Variants in TAFA1 observed in about 807,000 individuals in gnomAD.
TAFA1 encodes the protein chemokine-like protein TAFA-1.
A neutral mutation model predicts 18.5 loss-of-function variants in TAFA1; 4 were observed. That is an observed-to-expected ratio of 0.22 (90% CI 0.11 to 0.49). The LOEUF is 0.49. TAFA1 is among the 20% of genes least tolerant of loss of function. The pLI, the probability that TAFA1 is intolerant of heterozygous loss-of-function variation, is 0.98. For synonymous variants in TAFA1, 56 were observed against 55.2 expected (o/e 1.01, Z -0.06); for missense variants, 147 against 169.0 (o/e 0.87, Z 0.72).
At chr3:68,378,483 G>T (rs1302239784) in intron 2 of TAFA1, among the ~76,000 whole-genome samples, 2 of 152,082 alleles carry the variant, frequency 1.3e-5, no homozygotes, top group African/African-American at 4.8e-5. Flanking sequence ...GATTTTTTAG[G>T]CTCATAAAAT....
intron 2 of TAFA1, among the ~76,000 whole-genome samples, chr3:68,023,250 CT>C (rs1704737814): frequency 6.6e-6 from 1 of 152,128 alleles, no homozygotes; most frequent in African/African-American, 2.4e-5. Context: ...ATGCATACTT[CT>C]TTCTTGCTCA....
chr3:68,299,686 G>T (rs905265420), intron 2 of TAFA1, among the ~76,000 whole-genome samples: 1 of 152,348 alleles, frequency 6.6e-6, no homozygotes, highest in East Asian at 1.9e-4. Context: ...AGGCCTGGAG[G>T]CCTAGGAGGA....
chr3:68,444,391 G>A (rs902978859), intron 3 of TAFA1, among the ~76,000 whole-genome samples: 10 of 151,980 alleles, frequency 6.6e-5, no homozygotes, highest in South Asian at 4.1e-4. Flanking sequence ...TGTCACTCTC[G>A]TGTGACAAGC....
chr3:68,390,475 C>T lies in TAFA1; in HGVS notation c.119-26805C>T, dbSNP rs555349500. Among the ~76,000 whole-genome samples, 11 of 152,346 alleles carry T rather than the reference C, an allele frequency of 7.2e-5. No homozygotes were observed. The East Asian group carries it at 2.1e-3, about 29-fold the overall frequency. On this transcript the variant is annotated intron_variant, in intron 2 of 4. Coordinates refer to ENST00000478136, the MANE Select transcript of TAFA1 (RefSeq NM_213609.4). The stretch of plus-strand genomic sequence containing the variant: ...TGCCTGCCAGCTCAGAAGAGAGCAG[C>T]AGATCTCTCAGCACAGCACTTGAGC...
chr3:68,027,318 A>C (rs1433868952), intron 2 of TAFA1, among the ~76,000 whole-genome samples: 1 of 152,146 alleles, frequency 6.6e-6, no homozygotes, highest in African/African-American at 2.4e-5. Context: ...TCCTGAGGAC[A>C]CTGGGGCTAT....
intron 2 of TAFA1, among the ~76,000 whole-genome samples, chr3:68,400,444 A>T (rs2070465162): frequency 6.6e-6 from 1 of 152,338 alleles, no homozygotes; most frequent in African/African-American, 2.4e-5. Flanking sequence ...AAGTCTATAC[A>T]TACAATGAAG....
At chr3:68,126,086 G>A (rs1245285444) in intron 2 of TAFA1, among the ~76,000 whole-genome samples, 1 of 152,126 alleles carries the variant, frequency 6.6e-6, no homozygotes, top group Non-Finnish European at 1.5e-5. Context: ...CTGTCTCCTA[G>A]AATCACCTTT....
At chr3:68,347,884 T>C (rs2069191736) in intron 2 of TAFA1, among the ~76,000 whole-genome samples, 1 of 152,192 alleles carries the variant, frequency 6.6e-6, no homozygotes, top group Admixed American at 6.5e-5. Context: ...CTATTGGGTC[T>C]TTTCTCCTAC....
At chr3:68,083,597 T>C (rs76529986) in intron 2 of TAFA1, among the ~76,000 whole-genome samples, 4,661 of 152,262 alleles carry the variant, frequency 0.031, 251 homozygotes, top group African/African-American at 0.11. Flanking sequence ...TCTTGACAAC[T>C]TGTGAACAGG....
At chr3:68,135,102 G>A (rs989521296) in intron 2 of TAFA1, among the ~76,000 whole-genome samples, 2 of 152,096 alleles carry the variant, frequency 1.3e-5, no homozygotes, top group Admixed American at 6.6e-5. Flanking sequence ...AACAAGGCAG[G>A]GGGAGAAGCA....
chr3:68,335,496 T>C (rs1334189030), intron 2 of TAFA1, among the ~76,000 whole-genome samples: 1 of 152,214 alleles, frequency 6.6e-6, no homozygotes, highest in Non-Finnish European at 1.5e-5. Flanking sequence ...CTTTAAGTTT[T>C]AAAATAGTTG....
At chr3:68,193,163 G>A (rs1247718721) in intron 2 of TAFA1, among the ~76,000 whole-genome samples, 1 of 151,614 alleles carries the variant, frequency 6.6e-6, no homozygotes, top group African/African-American at 2.4e-5. Context: ...AAAGTAAGTT[G>A]GGATAGCAGA....
At chr3:68,396,495 T>C (rs1394255526) in intron 2 of TAFA1, among the ~76,000 whole-genome samples, 1 of 152,224 alleles carries the variant, frequency 6.6e-6, no homozygotes, top group Non-Finnish European at 1.5e-5. Context: ...TTCTATACTA[T>C]ATCTTCTTTG....
intron 2 of TAFA1, among the ~76,000 whole-genome samples, chr3:68,257,437 CTTT>C (rs113497143): frequency 7.0e-6 from 1 of 142,688 alleles, no homozygotes; most frequent in Non-Finnish European, 1.5e-5. Flanking sequence ...CGGTGTCCAT[CTTT>C]TTTTTTTTTT....
intron 2 of TAFA1, among the ~76,000 whole-genome samples, chr3:68,371,424 T>G (rs1476287660): frequency 6.6e-6 from 1 of 152,088 alleles, no homozygotes; most frequent in Non-Finnish European, 1.5e-5. Context: ...CCCCTCCCTG[T>G]GTCCATGTGT....
chr3:68,506,472 G>GACACAC (rs55813351), intron 3 of TAFA1, among the ~76,000 whole-genome samples: 24 of 150,740 alleles, frequency 1.6e-4, no homozygotes, highest in Non-Finnish European at 2.4e-4. Flanking sequence ...CACACACAGA[G>GACACAC]ACACACACAC....
At chr3:68,259,527 C>A (rs983032707) in intron 2 of TAFA1, among the ~76,000 whole-genome samples, 1 of 152,096 alleles carries the variant, frequency 6.6e-6, no homozygotes, top group Non-Finnish European at 1.5e-5. Flanking sequence ...TTACCTTGGG[C>A]AGTATGGCCA....
chr3:68,098,348 T>C, intron 2 of TAFA1, among the ~76,000 whole-genome samples: 1 of 152,136 alleles, frequency 6.6e-6, no homozygotes, highest in Non-Finnish European at 1.5e-5. Flanking sequence ...GCCACTTCTG[T>C]CTTTTGATTT....
At chr3:68,090,030 C>T (rs2065013540) in intron 2 of TAFA1, among the ~76,000 whole-genome samples, 1 of 152,134 alleles carries the variant, frequency 6.6e-6, no homozygotes, top group Admixed American at 6.5e-5. Context: ...AGGTTAGCAG[C>T]TTGAGCCCTT....
Sources: gnomAD v4.1 joint callset for allele counts (sites outside exome capture counted in the v4.1 genomes callset) on GRCh38, gnomAD v4.1.1 for gene constraint, MANE v1.5 for transcripts, NCBI Gene and HGNC (gene_info 2026-07-23, HGNC 2026-07-21) for gene names.